Variants in UMOD observed in about 807,000 individuals in gnomAD.
UMOD encodes uromodulin.
UMOD carries 64 observed loss-of-function variants against 66.0 expected under a neutral mutation model. The observed-to-expected ratio is 0.97, with a 90% confidence interval of 0.79 to 1.19. UMOD has a LOEUF of 1.19. Among genes scored for constraint, UMOD ranks in the 50% most tolerant of loss-of-function variants. The pLI, the probability that UMOD is intolerant of heterozygous loss-of-function variation, is 0.00. For missense variants in UMOD, 764 were observed against 850.9 expected (o/e 0.90, Z 1.27); for synonymous variants, 398 against 352.7 (o/e 1.13, Z -1.44).
chr16:20,344,936 G>A (rs1305320904), intron 5 of UMOD, among the ~76,000 whole-genome samples: 1 of 152,178 alleles, frequency 6.6e-6, no homozygotes, highest in African/African-American at 2.4e-5. Context: ...TTCCTCTCTT[G>A]AAAACTGAAA....
In UMOD at chr16:20,350,941, C is replaced by T. The variant is rs111449051; in HGVS notation, c.-102-102G>A. 9.6e-4 allele frequency: 1,163 copies of T among 1,208,988 alleles called. 5 individuals are homozygous for T. In the African/African-American group the frequency reaches 0.016, roughly 16 times the overall value. 74.9% of individuals were successfully genotyped at this position (1,208,988 alleles called of 1,614,324 possible). A position where few individuals can be genotyped will look rare whatever the true frequency, so the allele number is the denominator to read the frequency against. On this transcript the variant is annotated intron_variant, in intron 1 of 10. Transcript: ENST00000396138. Reference sequence around the variant, plus strand: ...TAGTATACAACTCCAGGAGGTGTCACTTATATGGACTAAAAAATTGCATAA... The same window carrying T: ...TAGTATACAACTCCAGGAGGTGTCATTTATATGGACTAAAAAATTGCATAA...
chr16:20,339,599 A>G (rs915922098), intron 7 of UMOD, among the ~76,000 whole-genome samples: 1 of 152,236 alleles, frequency 6.6e-6, no homozygotes, highest in Admixed American at 6.5e-5. Flanking sequence ...ACTCACCTGA[A>G]AATATTCCCT....
upstream of UMOD, among the ~76,000 whole-genome samples, chr16:20,354,319 G>A (rs944310990): frequency 6.6e-6 from 1 of 152,118 alleles, no homozygotes; most frequent in African/African-American, 2.4e-5. Context: ...CAAAGAGGTA[G>A]CACAGCTGTA....
At chr16:20,333,405 C>T in intron 10 of UMOD, 30 bp from the exon 11 acceptor site, 5 of 1,596,288 alleles carry the variant, frequency 3.1e-6, no homozygotes, top group Non-Finnish European at 4.3e-6. Flanking sequence ...AGGGCAACTG[C>T]TAGTACTGCT....
At chr16:20,342,112 A>T (rs1965257310) in intron 6 of UMOD, among the ~76,000 whole-genome samples, 1 of 152,232 alleles carries the variant, frequency 6.6e-6, no homozygotes, top group Non-Finnish European at 1.5e-5. Flanking sequence ...TAGGAGGCAT[A>T]CGCAGGAGGA....
At chr16:20,336,807 C>T in intron 8 of UMOD, 80 bp from the exon 9 acceptor site, 1 of 1,321,210 alleles carries the variant, frequency 7.6e-7, no homozygotes, top group Admixed American at 1.8e-5. Flanking sequence ...GGACTGCCCA[C>T]CTCACAGGTG....
At chr16:20,344,939 A>G (rs1346736952) in intron 5 of UMOD, among the ~76,000 whole-genome samples, 1 of 152,190 alleles carries the variant, frequency 6.6e-6, no homozygotes, top group African/African-American at 2.4e-5. Flanking sequence ...CTCTCTTGAA[A>G]ACTGAAAACC....
At chr16:20,336,802 GC>G in intron 8 of UMOD, 75 bp from the exon 9 acceptor site, 1 of 1,377,500 alleles carries the variant, frequency 7.3e-7, no homozygotes, top group Non-Finnish European at 1.0e-6. Context: ...GGAGTGGACT[GC>G]CCACCTCACA....
upstream of UMOD, among the ~76,000 whole-genome samples, chr16:20,354,403 A>G (rs1356745394): frequency 6.6e-6 from 1 of 152,060 alleles, no homozygotes; most frequent in African/African-American, 2.4e-5. Flanking sequence ...CACCAACACT[A>G]CTCACCAGTT....
intron 9 of UMOD, 64 bp downstream of exon 9, chr16:20,336,582 A>G: frequency 6.6e-7 from 1 of 1,509,086 alleles, no homozygotes; most frequent in Non-Finnish European, 9.2e-7. Flanking sequence ...AGGCTCTGTT[A>G]TCCCTCTTCC....
At chr16:20,337,260 G>C (rs1555485252) in intron 8 of UMOD, 31 bp downstream of exon 8, 3 of 1,613,708 alleles carry the variant, frequency 1.9e-6, no homozygotes, top group Middle Eastern at 3.3e-4. Context: ...TTGGTTACAA[G>C]AGATGGGCTG....
chr16:20,340,597 C>G (rs1156595276), intron 7 of UMOD, among the ~76,000 whole-genome samples: 4 of 151,806 alleles, frequency 2.6e-5, no homozygotes, highest in African/African-American at 9.7e-5. Flanking sequence ...GTACTGATGA[C>G]TATAAATGGC....
Position 20,348,470 on chromosome 16 carries a change from T to C in UMOD, c.831A>G (p.Thr277=). 6.2e-7 allele frequency: 1 copy of C among 1,612,900 alleles called. No individual in the cohort carries two copies. Among genetic ancestry groups the C allele is most frequent in the Non-Finnish European group, 8.5e-7 (1 of 1,179,882 alleles). ...ACGCCAGGTGACACTCGGGGGGCGCTGTCAGGTTGTAGACGTAGTAGCCGC... is the reference window on the plus strand; with the variant it reads ...ACGCCAGGTGACACTCGGGGGGCGCCGTCAGGTTGTAGACGTAGTAGCCGC... The part of the protein sequence containing the change: ...CAGGYYVYNL[T]APPECHLAYC... The change falls in exon 3 of 11, where the codon ACA becomes ACG. Residue 277 remains threonine (T), a synonymous_variant. Transcript: ENST00000396138.
intron 7 of UMOD, among the ~76,000 whole-genome samples, chr16:20,339,039 G>A (rs1965039440): frequency 6.6e-6 from 1 of 152,248 alleles, no homozygotes. Context: ...GGGATTACAG[G>A]CGTGAGCCAT....
Position 20,349,130 on chromosome 16 carries a change from G to T in UMOD, c.171C>A (p.Thr57=), listed in dbSNP as rs1324735067. The change falls in exon 3 of 11, where the codon ACC becomes ACA. Residue 57 remains threonine (T), a synonymous_variant. Coordinates refer to ENST00000396138, the MANE Select transcript of UMOD (RefSeq NM_003361.4). ...VTTCTCQEGF[T]GDGLTCVDLD... is the part of the protein sequence containing the mutation. The stretch of plus-strand genomic sequence containing the variant: ...GGTCCACGCAGGTCAGGCCATCGCC[G>T]GTGAAGCCCTCCTGACAGGTGCACG... The T allele has an allele frequency of 6.2e-7, 1 of 1,613,868 alleles. No individual in the cohort carries two copies.
chr16:20,347,284 A>G (rs928162062), intron 4 of UMOD, among the ~76,000 whole-genome samples: 1 of 152,118 alleles, frequency 6.6e-6, no homozygotes, highest in East Asian at 1.9e-4. Flanking sequence ...CGGCCTCCCA[A>G]AGTGCTGGGA....
chr16:20,349,001 C>A lies in UMOD; in HGVS notation c.300G>T (p.Leu100=). The A allele has an allele frequency of 6.3e-7, 1 of 1,580,556 alleles. No individual in the cohort carries two copies. The highest frequency in any genetic ancestry group is 8.6e-7 in the Non-Finnish European group (1 of 1,163,330). Residue 100 remains leucine, a synonymous_variant, in exon 3 of 11, where the codon CTG becomes CTT. Coordinates refer to ENST00000396138, the MANE Select transcript of UMOD (RefSeq NM_003361.4). ...FSCVCPEGFR[L]SPGLGCTDVD... ...CGTCTGTGCAGCCGAGACCGGGCGA[C>A]AGGCGGAAGCCTTCGGGGCAGACGC...
chr16:20,333,441 C>T, intron 10 of UMOD, 66 bp from the exon 11 acceptor site: 1 of 1,472,332 alleles, frequency 6.8e-7, no homozygotes, highest in African/African-American at 1.4e-5. Flanking sequence ...TTAACATAAG[C>T]TGCCTCGTCT....
At chr16:20,349,483 G>C (rs1965782687) in intron 2 of UMOD, among the ~76,000 whole-genome samples, 1 of 152,164 alleles carries the variant, frequency 6.6e-6, no homozygotes, top group Admixed American at 6.5e-5. Flanking sequence ...GAGTGCAGTA[G>C]TGCGATCATA....
Sources: allele counts gnomAD v4.1 joint callset (sites outside exome capture counted in the v4.1 genomes callset), GRCh38; gene constraint gnomAD v4.1.1; transcripts MANE v1.5; gene names NCBI Gene and HGNC (gene_info 2026-07-23, HGNC 2026-07-21).